Variants in SPMIP2 observed in about 807,000 individuals in gnomAD.
SPMIP2 encodes the protein sperm microtubule inner protein 2.
chr4:158,893,664 C>T, the SPMIP2 span: 4 of 1,569,964 alleles, frequency 2.5e-6, no homozygotes, highest in Non-Finnish European at 2.6e-6. Context: ...TAGGCAGTTT[C>T]TCCTTCTAAA....
chr4:158,965,640 C>T, the SPMIP2 span, among the ~76,000 whole-genome samples: 2 of 147,914 alleles, frequency 1.4e-5, no homozygotes, highest in Admixed American at 6.8e-5. Flanking sequence ...ATGAAGGAGA[C>T]TGTGCCCAGT....
the SPMIP2 span, among the ~76,000 whole-genome samples, chr4:158,992,522 T>C: frequency 1.3e-5 from 2 of 151,538 alleles, no homozygotes; most frequent in Non-Finnish European, 2.9e-5. Flanking sequence ...TTCTGTGGAC[T>C]GCAGTAAGCT....
chr4:158,976,323 G>A, the SPMIP2 span, among the ~76,000 whole-genome samples: 1 of 152,148 alleles, frequency 6.6e-6, no homozygotes, highest in Non-Finnish European at 1.5e-5. Context: ...CCAATACTAT[G>A]TTGAACAGGA....
the SPMIP2 span, among the ~76,000 whole-genome samples, chr4:158,992,967 GCT>G: frequency 1.3e-5 from 2 of 152,190 alleles, no homozygotes; most frequent in Non-Finnish European, 2.9e-5. Context: ...TGAGTCAAAA[GCT>G]CTTAGTTTTA....
chr4:159,001,393 G>A, the SPMIP2 span, among the ~76,000 whole-genome samples: 8 of 152,216 alleles, frequency 5.3e-5, no homozygotes, highest in Admixed American at 2.6e-4. Context: ...GGGTACATGT[G>A]CAAGTTTGTT....
At chr4:158,934,571 T>G in the SPMIP2 span, among the ~76,000 whole-genome samples, 4 of 152,328 alleles carry the variant, frequency 2.6e-5, no homozygotes, top group South Asian at 8.3e-4. Flanking sequence ...TAGTAAAAAT[T>G]TATACGTGTT....
At chr4:158,982,322 GA>G in the SPMIP2 span, among the ~76,000 whole-genome samples, 131 of 152,278 alleles carry the variant, frequency 8.6e-4, 3 homozygotes, top group South Asian at 0.017. Context: ...CAACAGGACA[GA>G]AAATTAACAA....
At chr4:159,009,703 A>G in the SPMIP2 span, among the ~76,000 whole-genome samples, 2 of 151,948 alleles carry the variant, frequency 1.3e-5, no homozygotes, top group African/African-American at 4.8e-5. Flanking sequence ...TGGCTTAGTG[A>G]CTCATGCCTG....
the SPMIP2 span, among the ~76,000 whole-genome samples, chr4:158,991,093 G>A: frequency 6.6e-6 from 1 of 152,082 alleles, no homozygotes; most frequent in East Asian, 1.9e-4. Context: ...TGGTAAAGTT[G>A]ATTATGTGAA....
At chr4:159,009,138 A>AG in the SPMIP2 span, among the ~76,000 whole-genome samples, 1 of 152,214 alleles carries the variant, frequency 6.6e-6, no homozygotes, top group Admixed American at 6.5e-5. Context: ...TGGTTCTCTC[A>AG]AGAAGGTACA....
the SPMIP2 span, among the ~76,000 whole-genome samples, chr4:158,923,696 CTTTTA>C: frequency 6.6e-6 from 1 of 152,012 alleles, no homozygotes; most frequent in Non-Finnish European, 1.5e-5. Context: ...AATATGATGC[CTTTTA>C]TTTTGTCTTC....
At chr4:158,973,777 T>C in the SPMIP2 span, among the ~76,000 whole-genome samples, 2 of 152,066 alleles carry the variant, frequency 1.3e-5, no homozygotes, top group South Asian at 2.1e-4. Flanking sequence ...TCGCTTGAAC[T>C]CAGGAATCTG....
At chr4:158,902,158 C>T in the SPMIP2 span, among the ~76,000 whole-genome samples, 1 of 152,196 alleles carries the variant, frequency 6.6e-6, no homozygotes, top group African/African-American at 2.4e-5. Flanking sequence ...TGGTGACCTT[C>T]GGATGGGGTC....
the SPMIP2 span, among the ~76,000 whole-genome samples, chr4:158,970,135 T>C: frequency 6.6e-6 from 1 of 152,284 alleles, no homozygotes; most frequent in African/African-American, 2.4e-5. Context: ...ATGGAGTGTA[T>C]GTGTATGTAT....
the SPMIP2 span, among the ~76,000 whole-genome samples, chr4:159,031,896 A>G: frequency 1.3e-5 from 2 of 152,210 alleles, no homozygotes; most frequent in African/African-American, 2.4e-5. Context: ...ATTCATATCT[A>G]CTTCTTTGAA....
the SPMIP2 span, chr4:158,893,633 T>G: frequency 7.3e-7 from 1 of 1,369,892 alleles, no homozygotes; most frequent in Non-Finnish European, 1.0e-6. Context: ...TATTATGATC[T>G]TATTTTTTGT....
chr4:158,901,844 T>G, the SPMIP2 span, among the ~76,000 whole-genome samples: 7 of 151,936 alleles, frequency 4.6e-5, no homozygotes, highest in Non-Finnish European at 8.8e-5. Flanking sequence ...ATCAGGTCAT[T>G]TATGTTCTTC....
the SPMIP2 span, among the ~76,000 whole-genome samples, chr4:158,927,570 C>T: frequency 6.6e-6 from 1 of 152,230 alleles, no homozygotes; most frequent in African/African-American, 2.4e-5. Flanking sequence ...TCGCTCTCGG[C>T]GCCTCCTCTG....
chr4:158,914,520 C>T, the SPMIP2 span, among the ~76,000 whole-genome samples: 2 of 152,200 alleles, frequency 1.3e-5, no homozygotes, highest in Non-Finnish European at 2.9e-5. Context: ...GCATGGAAAT[C>T]TGCTGTCAAA....
Sources: gnomAD v4.1 joint callset for allele counts (sites outside exome capture counted in the v4.1 genomes callset) on GRCh38, gnomAD v4.1.1 for gene constraint, MANE v1.5 for transcripts, NCBI Gene and HGNC (gene_info 2026-07-23, HGNC 2026-07-21) for gene names.